The following FHIP2A variants were observed in gnomAD, a reference collection of about 807,000 sequenced individuals.
FHIP2A encodes the protein family with sequence similarity 160 member B1.
FHIP2A carries 46 observed loss-of-function variants against 93.5 expected under a neutral mutation model. The ratio of observed to expected loss-of-function variants is 0.49; its 90% confidence interval spans 0.39 to 0.63. The LOEUF (loss-of-function observed/expected upper bound fraction) is 0.63. FHIP2A is among the 20% of genes least tolerant of loss of function. FHIP2A has a pLI of 0.00. For missense variants in FHIP2A, 769 were observed against 909.7 expected (o/e 0.85, Z 1.99); for synonymous variants, 332 against 326.5 (o/e 1.02, Z -0.18).
At chr10:114,866,340 C>T (rs989396457), downstream of FHIP2A, among the ~76,000 whole-genome samples, 2 of 152,212 alleles carry the variant, frequency 1.3e-5, no homozygotes, top group Non-Finnish European at 2.9e-5. Flanking sequence ...TGTATATACA[C>T]TACATTTTCT....
At chr10:114,858,041 A>G (rs2083777181) in intron 14 of FHIP2A, among the ~76,000 whole-genome samples, 2 of 152,204 alleles carry the variant, frequency 1.3e-5, no homozygotes, top group African/African-American at 4.8e-5. Flanking sequence ...TTACTTTTTT[A>G]AGTCAAAGTT....
chr10:114,871,113 G>T (rs1592029418), intron 16 of FHIP2A, among the ~76,000 whole-genome samples: 1 of 144,178 alleles, frequency 6.9e-6, no homozygotes, highest in African/African-American at 2.6e-5. Flanking sequence ...TATATATACT[G>T]TTATATATAT....
At chr10:114,823,879 G>A (rs2083558441) in intron 1 of FHIP2A, among the ~76,000 whole-genome samples, 1 of 152,116 alleles carries the variant, frequency 6.6e-6, no homozygotes, top group Admixed American at 6.6e-5. Flanking sequence ...CTATATTGCA[G>A]TCAGCTGTCT....
At chr10:114,838,098 C>T (rs891284223) in intron 5 of FHIP2A, among the ~76,000 whole-genome samples, 1 of 152,180 alleles carries the variant, frequency 6.6e-6, no homozygotes, top group Non-Finnish European at 1.5e-5. Context: ...AACTGTTTCC[C>T]AAGTGGCTTT....
At position 114,861,222 on chromosome 10, in the gene FHIP2A, G is replaced by C; in HGVS notation, c.2089-9G>C. On this transcript the variant is annotated splice_polypyrimidine_tract_variant and intron_variant, in intron 15 of 16. Transcript: ENST00000369248. Reference sequence around the variant, plus strand: ...TCAGGAACTGAAGTGCCTTGCCTCTGTGATGCAGGTTGTTGGAGACCTTAT... The same window carrying C: ...TCAGGAACTGAAGTGCCTTGCCTCTCTGATGCAGGTTGTTGGAGACCTTAT... 6.2e-7 allele frequency: 1 copy of C among 1,613,906 alleles called. No individual in the cohort carries two copies. The highest frequency in any genetic ancestry group is 1.7e-5 in the Admixed American group (1 of 59,972).
chr10:114,826,958 C>T (rs530791532), intron 1 of FHIP2A, among the ~76,000 whole-genome samples: 128 of 152,282 alleles, frequency 8.4e-4, no homozygotes, highest in African/African-American at 2.8e-3. Flanking sequence ...CACGCCATTG[C>T]ACTCCAGCCA....
chr10:114,884,155 A>C (rs191754042), intron 16 of FHIP2A, among the ~76,000 whole-genome samples: 1 of 152,322 alleles, frequency 6.6e-6, no homozygotes, highest in African/African-American at 2.4e-5. Flanking sequence ...TTAATAAAAA[A>C]GTGAATTTCT....
chr10:114,824,468 G>A (rs2083561780), intron 1 of FHIP2A, among the ~76,000 whole-genome samples: 17 of 152,126 alleles, frequency 1.1e-4, no homozygotes, highest in Admixed American at 1.1e-3. Flanking sequence ...TTAATGCATT[G>A]CATTTAGAAG....
At chr10:114,876,768 T>A (rs1353897164) in intron 16 of FHIP2A, among the ~76,000 whole-genome samples, 1 of 152,064 alleles carries the variant, frequency 6.6e-6, no homozygotes, top group Non-Finnish European at 1.5e-5. Flanking sequence ...CCTGGTCCTG[T>A]CTACTCTGGT....
chr10:114,862,540 A>C lies in FHIP2A; in HGVS notation c.*1000A>C. On this transcript the variant is annotated 3_prime_UTR_variant, in exon 17 of 17. Coordinates refer to ENST00000369248, the MANE Select transcript of FHIP2A (RefSeq NM_020940.4). ...TTTGTTCAGTCTTTTGTTTTAAATG[A>C]TTCTAAAGAGATTAAAGAAAACAGA... The C allele has an allele frequency of 3.0e-6, 3 of 987,480 alleles. No homozygotes were observed. The highest frequency in any genetic ancestry group is 3.6e-6 in the Non-Finnish European group (3 of 830,018). 61.2% of individuals were successfully genotyped at this position (987,480 alleles called of 1,614,324 possible). A position where few individuals can be genotyped will look rare whatever the true frequency, so the allele number is the denominator to read the frequency against.
rs902230553 is a variant in FHIP2A at position 114,895,028 on chromosome 10, T to C, written c.2193-4462T>C. On this transcript the variant is annotated intron_variant, in intron 16 of 16. Coordinates refer to the FHIP2A transcript ENST00000369250. ...ATTTCCTAATGCATGCAAGCAGCTC[T>C]AAATGAGTAAGAAATGATGATTGAA... 4.3e-4 allele frequency among the ~76,000 whole-genome samples: 66 copies of C among 152,226 alleles called. 1 individual carries two copies. The highest frequency in any genetic ancestry group is 1.5e-3 in the African/African-American group (63 of 41,452).
intron 16 of FHIP2A, among the ~76,000 whole-genome samples, chr10:114,875,902 T>TG (rs1566384313): frequency 8.7e-5 from 3 of 34,512 alleles, no homozygotes; most frequent in East Asian, 4.8e-4. Flanking sequence ...GAGAAAGAAA[T>TG]AAAGAAAGAG....
chr10:114,852,222 T>A (rs1323600503), intron 13 of FHIP2A, among the ~76,000 whole-genome samples: 2 of 152,156 alleles, frequency 1.3e-5, no homozygotes, highest in African/African-American at 2.4e-5. Flanking sequence ...ACCAAAAATA[T>A]CTATCAATGG....
intron 5 of FHIP2A, among the ~76,000 whole-genome samples, chr10:114,839,603 G>A (rs796833747): frequency 2.0e-5 from 3 of 152,200 alleles, no homozygotes; most frequent in African/African-American, 7.2e-5. Context: ...TGCCGGCCGG[G>A]CGCGGTGGCT....
chr10:114,883,746 T>A (rs1285071354), intron 16 of FHIP2A, among the ~76,000 whole-genome samples: 2 of 152,210 alleles, frequency 1.3e-5, no homozygotes, highest in East Asian at 3.9e-4. Flanking sequence ...CCCTGGCTAA[T>A]TTTTTGTGTT....
At position 114,875,859 on chromosome 10, in the gene FHIP2A, AAG is replaced by A. The variant is rs2083883996; in HGVS notation, c.2192+14527_2192+14528del. ...AGAGAGAAAGAAAGAAAGAAAAAGA[AAG>A]AAAGAAAGAGAAAGAAAGAAAAGAA... is the stretch of plus-strand genomic sequence containing the variant. On this transcript the variant is annotated intron_variant, in intron 16 of 16. Transcript: ENST00000369250. Among the ~76,000 whole-genome samples, 6 of 143,390 alleles carry A rather than the reference AAG, an allele frequency of 4.2e-5. 1 individual carries two copies. In the South Asian group the frequency reaches 8.4e-4, roughly 20 times the overall value. 94.1% of individuals were successfully genotyped at this position (143,390 alleles called of 152,430 possible). A position where few individuals can be genotyped will look rare whatever the true frequency, so the allele number is the denominator to read the frequency against.
At chr10:114,883,761 G>A (rs985330065) in intron 16 of FHIP2A, among the ~76,000 whole-genome samples, 3 of 152,128 alleles carry the variant, frequency 2.0e-5, no homozygotes, top group Admixed American at 6.6e-5. Context: ...TGTGTTTTTA[G>A]TAGAGACAGG....
At chr10:114,845,091 A>G (rs908937297) in intron 7 of FHIP2A, among the ~76,000 whole-genome samples, 1 of 151,990 alleles carries the variant, frequency 6.6e-6, no homozygotes, top group African/African-American at 2.4e-5. Flanking sequence ...TATTACAGGC[A>G]TGAGCCACCA....
chr10:114,833,473 G>C, intron 3 of FHIP2A, 71 bp downstream of exon 3: 1 of 1,365,784 alleles, frequency 7.3e-7, no homozygotes. Flanking sequence ...TAAAGAAGCT[G>C]CCAAATACTT....
Sources: allele counts gnomAD v4.1 joint callset (sites outside exome capture counted in the v4.1 genomes callset), GRCh38; gene constraint gnomAD v4.1.1; transcripts MANE v1.5; gene names NCBI Gene and HGNC (gene_info 2026-07-23, HGNC 2026-07-21).